ASS1: variants seen among roughly 807,000 people sequenced by gnomAD.
ASS1 encodes the protein argininosuccinate synthase.
ASS1 carries 58 observed loss-of-function variants against 60.5 expected under a neutral mutation model. The ratio of observed to expected loss-of-function variants is 0.96; its 90% CI spans 0.78 to 1.19. The LOEUF is 1.19. Among genes scored for constraint, ASS1 ranks in the 50% most tolerant of loss-of-function variants. ASS1 has a pLI of 0.00. For missense variants in ASS1, 454 were observed against 547.3 expected, an observed-to-expected ratio of 0.83 and a Z score of 1.70; for synonymous variants, 200 against 206.9, an observed-to-expected ratio of 0.97 and a Z score of 0.29.
chr9:130,453,391 C>T (rs140787241), intron 2 of ASS1, among the ~76,000 whole-genome samples: 7 of 152,342 alleles, frequency 4.6e-5, no homozygotes, highest in East Asian at 3.9e-4. Flanking sequence ...GCTTGTTTGC[C>T]GGCATATTGG....
At chr9:130,449,674 C>G (rs533608050) in intron 1 of ASS1, among the ~76,000 whole-genome samples, 23 of 152,226 alleles carry the variant, frequency 1.5e-4, no homozygotes, top group Admixed American at 1.4e-3. Flanking sequence ...ACCAGTCAAA[C>G]GAGATGCAGG....
chr9:130,452,723 A>G (rs1438511848), intron 2 of ASS1, among the ~76,000 whole-genome samples: 2 of 152,168 alleles, frequency 1.3e-5, no homozygotes, highest in Middle Eastern at 3.2e-3. Flanking sequence ...GTAATTCAGC[A>G]AAGATTGTGG....
chr9:130,449,856 A>AT lies in ASS1; in HGVS notation c.-5-2363dup, dbSNP rs759772658. On this transcript the variant is annotated intron_variant, in intron 1 of 14. Transcript: ENST00000352480. Reference sequence around the variant, plus strand: ...ATTGGACACAAAAAAATATGCGATTATTTTTGTAGTTGATGAATGTGCTGA... The same window carrying AT: ...ATTGGACACAAAAAAATATGCGATTATTTTTTGTAGTTGATGAATGTGCTGA... Among the ~76,000 whole-genome samples, 36 of 152,256 alleles carry AT rather than the reference A, an allele frequency of 2.4e-4. No homozygotes were observed. In the East Asian group the frequency reaches 2.9e-3, roughly 12 times the overall value.
At chr9:130,496,670 G>T (rs948137522) in intron 13 of ASS1, among the ~76,000 whole-genome samples, 4 of 152,086 alleles carry the variant, frequency 2.6e-5, no homozygotes, top group African/African-American at 4.8e-5. Context: ...GGCAGAAGGT[G>T]GCCAAGGAGG....
intron 1 of ASS1, among the ~76,000 whole-genome samples, chr9:130,449,425 T>G (rs1165693349): frequency 6.6e-6 from 1 of 150,814 alleles, no homozygotes; most frequent in Non-Finnish European, 1.5e-5. Context: ...GTGATCCAGC[T>G]GTTTCTGTGG....
chr9:130,460,414 G>C (rs186650028), intron 4 of ASS1, among the ~76,000 whole-genome samples: 3 of 152,188 alleles, frequency 2.0e-5, no homozygotes, highest in Non-Finnish European at 2.9e-5. Context: ...GGCTCATTGC[G>C]TACCTTCAGA....
rs1846089219 is a variant in ASS1 at position 130,478,869 on chromosome 9, G to GA, written c.689-847_689-846insA. Among the ~76,000 whole-genome samples, 1 of 152,200 alleles carries GA rather than the reference G, an allele frequency of 6.6e-6. No individual in the cohort carries two copies. The highest frequency in any genetic ancestry group is 1.5e-5 in the Non-Finnish European group (1 of 68,032). On this transcript the variant is annotated intron_variant, in intron 9 of 14. Coordinates refer to ENST00000352480, the MANE Select transcript of ASS1 (RefSeq NM_054012.4). The surrounding 1 kb of genome is among the most constrained non-coding windows in gnomAD (Gnocchi z 4.7). ...CGCCTTGAGTGAAGCCCCTCCAAGC[G>GA]GCGCCTGGCTAATAAAGCCTCGAAA... is the stretch of plus-strand genomic sequence containing the variant.
chr9:130,463,372 G>T (rs1489887720), intron 4 of ASS1, among the ~76,000 whole-genome samples: 2 of 152,044 alleles, frequency 1.3e-5, no homozygotes, highest in Non-Finnish European at 2.9e-5. Context: ...GCTATGTCGG[G>T]GGTAACGTTC....
rs1327206653 is a variant in ASS1 at position 130,458,592 on chromosome 9, G to A, written c.363+3G>A. ...TGTCCCACGGCGCCACAGGAAAGGT[G>A]AGGCACCTGGGAAGGGCCGGGCAGA... On this transcript the variant is annotated splice_donor_region_variant and intron_variant, in intron 4 of 14. Transcript: ENST00000352480. 1.2e-6 allele frequency: 2 copies of A among 1,612,018 alleles called. No homozygotes were observed. The highest frequency in any genetic ancestry group is 1.3e-5 in the African/African-American group (1 of 74,920).
intron 1 of ASS1, among the ~76,000 whole-genome samples, chr9:130,447,167 G>A (rs1845213996): frequency 6.6e-6 from 1 of 152,212 alleles, no homozygotes; most frequent in Admixed American, 6.5e-5. Context: ...TGGTTTTCTG[G>A]AAGGTGTGTA....
chr9:130,464,027 G>C, intron 4 of ASS1, 84 bp from the exon 5 acceptor site: 2 of 1,466,896 alleles, frequency 1.4e-6, no homozygotes, highest in Non-Finnish European at 1.9e-6. Flanking sequence ...TCTCCGCCAC[G>C]GGCTGTCCTT....
intron 11 of ASS1, among the ~76,000 whole-genome samples, chr9:130,484,410 C>T (rs1846252329): frequency 6.6e-6 from 1 of 151,986 alleles, no homozygotes; most frequent in South Asian, 2.1e-4. Flanking sequence ...CCCCCAGCCA[C>T]CCCTGGCCAC....
In ASS1 at chr9:130,494,604, T is replaced by C. The variant is rs942765929; in HGVS notation, c.971-263T>C. Among the ~76,000 whole-genome samples the C allele has an allele frequency of 2.0e-5, 3 of 152,236 alleles. No individual in the cohort carries two copies. The highest frequency in any genetic ancestry group is 7.2e-5 in the African/African-American group (3 of 41,468). ...CCTATGGCATGAAGCAGTGGGTCACTTCCCTCCTCCTGACCCTTAGGGAAA... is the reference window on the plus strand; with the variant it reads ...CCTATGGCATGAAGCAGTGGGTCACCTCCCTCCTCCTGACCCTTAGGGAAA... On this transcript the variant is annotated intron_variant, in intron 12 of 14. Transcript: ENST00000352480. This position sits in a 1 kb window ranked among gnomAD's most constrained non-coding sequence, Gnocchi z 4.3.
chr9:130,471,682 C>A lies in ASS1; in HGVS notation c.597+167C>A, dbSNP rs28633982. 0.013 allele frequency among the ~76,000 whole-genome samples: 1,999 copies of A among 152,266 alleles called. 44 individuals are homozygous for A. Among genetic ancestry groups the A allele is most frequent in the African/African-American group, 0.045 (1,885 of 41,508 alleles). Reference sequence around the variant, plus strand: ...TTCCCCGACCCCCGCACTGGCCCCCCTCTGCCCACCGTCTCCTCGCTGCAT... The same window carrying A: ...TTCCCCGACCCCCGCACTGGCCCCCATCTGCCCACCGTCTCCTCGCTGCAT... On this transcript the variant is annotated intron_variant, in intron 8 of 14. Transcript: ENST00000352480.
chr9:130,490,464 C>A (rs1846423590), intron 12 of ASS1, among the ~76,000 whole-genome samples: 1 of 152,066 alleles, frequency 6.6e-6, no homozygotes, highest in Non-Finnish European at 1.5e-5. Context: ...CAGGCATGCG[C>A]CACCATGCCT....
chr9:130,481,785 C>CG (rs1846182185), intron 11 of ASS1, among the ~76,000 whole-genome samples: 1 of 152,146 alleles, frequency 6.6e-6, no homozygotes, highest in African/African-American at 2.4e-5. Flanking sequence ...GAAGGGGAGG[C>CG]AGGCTCGCCT....
At chr9:130,483,310 G>A (rs1383636959) in intron 11 of ASS1, among the ~76,000 whole-genome samples, 1 of 145,314 alleles carries the variant, frequency 6.9e-6, no homozygotes, top group African/African-American at 2.5e-5. Context: ...ATTTTACAAA[G>A]CTCGTAATTG....
chr9:130,473,805 A>T (rs902196788), intron 8 of ASS1, among the ~76,000 whole-genome samples: 1 of 152,200 alleles, frequency 6.6e-6, no homozygotes, highest in Non-Finnish European at 1.5e-5. Flanking sequence ...AATGCGAAGA[A>T]AGATAGAAAT....
Position 130,470,697 on chromosome 9 carries a change from A to C in ASS1, c.496-137A>C. On this transcript the variant is annotated intron_variant, in intron 6 of 14. Coordinates refer to ENST00000352480, the MANE Select transcript of ASS1 (RefSeq NM_054012.4). The surrounding 1 kb of genome is among the most constrained non-coding windows in gnomAD (Gnocchi z 4.3). ...TCCCCCCAGGGAGGTGACCGTGACC[A>C]ACACTAGGAGGTAGCCAGGGTCTTG... 3.4e-6 allele frequency: 3 copies of C among 873,246 alleles called. No homozygotes were observed. The highest frequency in any genetic ancestry group is 4.8e-5 in the East Asian group (2 of 41,538). 54.1% of individuals were successfully genotyped at this position (873,246 alleles called of 1,614,324 possible).
Sources: allele counts gnomAD v4.1 joint callset (sites outside exome capture counted in the v4.1 genomes callset), GRCh38; gene constraint gnomAD v4.1.1; non-coding constraint Gnocchi (gnomAD v3.1); transcripts MANE v1.5; gene names NCBI Gene and HGNC (gene_info 2026-07-23, HGNC 2026-07-21).